Variants in NFIC observed in about 807,000 individuals in gnomAD.
NFIC encodes nuclear factor 1 C-type.
NFIC carries 12 observed loss-of-function variants against 54.4 expected under a neutral mutation model. The observed-to-expected ratio is 0.22, with a 90% confidence interval of 0.14 to 0.36. The LOEUF is 0.36. Among genes scored for constraint, NFIC ranks in the 10% least tolerant of loss-of-function variants. NFIC has a pLI of 1.00. For missense variants in NFIC, 575 were observed against 718.2 expected, an observed-to-expected ratio of 0.80 and a Z score of 2.28; for synonymous variants, 322 against 319.2, an observed-to-expected ratio of 1.01 and a Z score of -0.09.
At chr19:3,376,155 C>T (rs868512642) in intron 1 of NFIC, among the ~76,000 whole-genome samples, 1 of 152,006 alleles carries the variant, frequency 6.6e-6, no homozygotes, top group South Asian at 2.1e-4. Context: ...GCAGCAATCG[C>T]GTCCATAGTA....
At position 3,429,251 on chromosome 19, in the gene NFIC, TATACACAC is replaced by T. The variant is rs1424675164; in HGVS notation, c.634+4076_634+4083del. Among the ~76,000 whole-genome samples, 22 of 27,584 alleles carry T rather than the reference TATACACAC, an allele frequency of 8.0e-4. 4 individuals are homozygous for T. Among genetic ancestry groups the T allele is most frequent in the East Asian group, 6.8e-3 (4 of 590 alleles). 18.1% of individuals were successfully genotyped at this position (27,584 alleles called of 152,430 possible). ...TACCCCAAAAAAAAAAAAAAAAATA[TATACACAC>T]ACACACACACACACACACACACACA... On this transcript the variant is annotated intron_variant, in intron 3 of 10. Transcript: ENST00000443272.
intron 1 of NFIC, among the ~76,000 whole-genome samples, chr19:3,371,937 TTCCCTCCCTCCCTCCC>T (rs35615324): frequency 6.8e-5 from 6 of 87,730 alleles, no homozygotes; most frequent in Non-Finnish European, 1.1e-4. Flanking sequence ...CCTTCCTTCC[TTCCCTCCCTCCCTCCC>T]TCCTTCCTTC....
exon 1 of NFIC, chr19:3,359,670 T>C: frequency 7.1e-7 from 1 of 1,403,736 alleles, no homozygotes; most frequent in East Asian, 3.2e-5. Context: ...CCTCGCCTCC[T>C]CGCAGCAGCG....
Position 3,452,101 on chromosome 19 carries a change from CAAAAAAA to C in NFIC, c.1085-365_1085-359del, listed in dbSNP as rs777727186. Among the ~76,000 whole-genome samples the C allele has an allele frequency of 5.5e-5, 3 of 54,552 alleles. No homozygotes were observed. Among genetic ancestry groups the C allele is most frequent in the East Asian group, 6.4e-4 (1 of 1,568 alleles). 35.8% of individuals were successfully genotyped at this position (54,552 alleles called of 152,430 possible). A position where few individuals can be genotyped will look rare whatever the true frequency, so the allele number is the denominator to read the frequency against. ...TGCACTCCAGCCTGGGTGACTGTCT[CAAAAAAA>C]AAAAAAAAAAAAAAAGACCAGGCTC... On this transcript the variant is annotated intron_variant, in intron 7 of 10. Coordinates refer to ENST00000443272, the MANE Select transcript of NFIC (RefSeq NM_001245002.2). This position sits in a 1 kb window ranked among gnomAD's most constrained non-coding sequence, Gnocchi z 5.3.
chr19:3,458,990 C>T lies in NFIC; in HGVS notation c.1509+2355C>T, dbSNP rs953925738. ...TAAGAGCACCTGGGTTGAGGCCGGGCGCCGCCACCTCCCTGCAGACCCCGG... is the reference window on the plus strand; with the variant it reads ...TAAGAGCACCTGGGTTGAGGCCGGGTGCCGCCACCTCCCTGCAGACCCCGG... On this transcript the variant is annotated intron_variant, in intron 10 of 10. Coordinates refer to ENST00000443272, the MANE Select transcript of NFIC (RefSeq NM_001245002.2). This position sits in a 1 kb window ranked among gnomAD's most constrained non-coding sequence, Gnocchi z 4.1. 1.3e-5 allele frequency among the ~76,000 whole-genome samples: 2 copies of T among 152,030 alleles called. No homozygotes were observed. The highest frequency in any genetic ancestry group is 1.9e-4 in the East Asian group (1 of 5,172).
chr19:3,379,356 C>G (rs1389952839), intron 1 of NFIC, among the ~76,000 whole-genome samples: 2 of 151,390 alleles, frequency 1.3e-5, no homozygotes, highest in Admixed American at 6.6e-5. Flanking sequence ...CCGCGCCCAG[C>G]CGGGTTTTTT....
intron 2 of NFIC, among the ~76,000 whole-genome samples, chr19:3,403,233 A>G (rs3922397): frequency 0.58 from 88,241 of 151,848 alleles, 25,735 homozygotes; most frequent in Non-Finnish European, 0.6. Context: ...GGGAAGGAGA[A>G]AGTTTCCTTC....
In NFIC at chr19:3,381,991, T is replaced by A; in HGVS notation, c.310T>A (p.Cys104Ser). Residue 104 changes from cysteine to serine, a missense_variant, in exon 2 of 11, where the codon TGC becomes AGC. Physicochemically the swap from Cys to Ser is moderately radical, Grantham distance 112. This residue lies in a region of NFIC where 122 missense variants were observed against 158.0 expected (regional missense o/e 0.77). Coordinates refer to ENST00000443272, the MANE Select transcript of NFIC (RefSeq NM_001245002.2). The part of the protein sequence containing the change: ...LSITGKKAPG[C>S]VLSNPDQKGK... ...CATCACCGGCAAGAAGGCGCCGGGC[T>A]GCGTGCTCTCCAACCCCGACCAGAA... The A allele has an allele frequency of 6.2e-7, 1 of 1,613,504 alleles. No individual in the cohort carries two copies. Among genetic ancestry groups the A allele is most frequent in the Non-Finnish European group, 8.5e-7 (1 of 1,179,924 alleles).
chr19:3,448,039 G>A (rs754327257), intron 6 of NFIC, among the ~76,000 whole-genome samples: 69 of 152,252 alleles, frequency 4.5e-4, no homozygotes, highest in Non-Finnish European at 8.5e-4. Flanking sequence ...CAAGTAGCTG[G>A]GATTACAGGC....
chr19:3,422,780 T>C (rs900842550), intron 2 of NFIC, among the ~76,000 whole-genome samples: 3 of 151,838 alleles, frequency 2.0e-5, no homozygotes, highest in Non-Finnish European at 2.9e-5. Context: ...GAGACAGTAC[T>C]TGGCTCAGGT....
intron 2 of NFIC, among the ~76,000 whole-genome samples, chr19:3,392,092 G>A (rs1380930284): frequency 4.9e-5 from 5 of 101,396 alleles, no homozygotes; most frequent in Admixed American, 2.2e-4. Flanking sequence ...TTTTTTTTGA[G>A]ATGGAGTCTT....
Position 3,466,371 on chromosome 19 carries a change from A to T in NFIC, c.*3602A>T, listed in dbSNP as rs891697809. 1 of 152,218 alleles carries T rather than the reference A, an allele frequency of 6.6e-6. No individual in the cohort carries two copies. The highest frequency in any genetic ancestry group is 2.4e-5 in the African/African-American group (1 of 41,416). The allele number at this position is 152,218 out of a possible 1,614,324, so 9.4% of individuals were successfully genotyped here. Reference sequence around the variant, plus strand: ...TTCTCCAACCTTAGGCCATTCCTGCAGCCCTCACCACCTCCAGCCCCTCCA... The same window carrying T: ...TTCTCCAACCTTAGGCCATTCCTGCTGCCCTCACCACCTCCAGCCCCTCCA... On this transcript the variant is annotated 3_prime_UTR_variant, in exon 11 of 11. Coordinates refer to ENST00000443272, the MANE Select transcript of NFIC (RefSeq NM_001245002.2). The surrounding 1 kb of genome is among the most constrained non-coding windows in gnomAD (Gnocchi z 4.8).
At chr19:3,367,005 C>CGG (rs2080902554) in intron 1 of NFIC, among the ~76,000 whole-genome samples, 1 of 151,400 alleles carries the variant, frequency 6.6e-6, no homozygotes, top group Non-Finnish European at 1.5e-5. Context: ...CCCCGACACT[C>CGG]GGAAAGGTCG....
Position 3,384,165 on chromosome 19 carries a change from C to T in NFIC, c.562+1922C>T, listed in dbSNP as rs1407216683. ...GACCTCCCAGGCTCAAGCAATCCTCCTGCCTCACCCTCCCAAGTAGCTGGG... is the reference window on the plus strand; with the variant it reads ...GACCTCCCAGGCTCAAGCAATCCTCTTGCCTCACCCTCCCAAGTAGCTGGG... On this transcript the variant is annotated intron_variant, in intron 2 of 10. Transcript: ENST00000443272. Among the ~76,000 whole-genome samples the T allele has an allele frequency of 2.6e-5, 4 of 151,290 alleles. No individual in the cohort carries two copies. The East Asian group carries it at 7.7e-4, about 29-fold the overall frequency.
At chr19:3,448,537 G>T (rs2082406576) in intron 6 of NFIC, among the ~76,000 whole-genome samples, 1 of 152,178 alleles carries the variant, frequency 6.6e-6, no homozygotes, top group Non-Finnish European at 1.5e-5. Context: ...CCTCATTTCA[G>T]CCCCAGGGAG....
chr19:3,402,390 T>C (rs1278159145), intron 2 of NFIC, among the ~76,000 whole-genome samples: 2 of 152,198 alleles, frequency 1.3e-5, no homozygotes, highest in South Asian at 2.1e-4. Flanking sequence ...CTCCCCCATG[T>C]ACCATGTCTC....
chr19:3,400,796 T>G (rs1039018231), intron 2 of NFIC, among the ~76,000 whole-genome samples: 3 of 152,156 alleles, frequency 2.0e-5, no homozygotes, highest in African/African-American at 7.2e-5. Context: ...GAGCCGAGAT[T>G]GTACCACTAC....
rs576052228 is a variant in NFIC at position 3,377,497 on chromosome 19, G to A, written c.31-4215G>A. On this transcript the variant is annotated intron_variant, in intron 1 of 10. Coordinates refer to ENST00000443272, the MANE Select transcript of NFIC (RefSeq NM_001245002.2). ...TGTCCGAAATGCCCAGCCCAGCCTG[G>A]TCAAGGCAGGGAGATGGAAAGGCAG... 2.6e-5 allele frequency among the ~76,000 whole-genome samples: 4 copies of A among 152,256 alleles called. No individual in the cohort carries two copies. In the East Asian group the frequency reaches 7.7e-4, roughly 29 times the overall value.
rs1407998049 is a variant in NFIC, at chr19:3,370,246, C to T, written c.30+3580C>T. Among the ~76,000 whole-genome samples, 10 of 152,108 alleles carry T rather than the reference C, an allele frequency of 6.6e-5. No individual in the cohort carries two copies. Among genetic ancestry groups the T allele is most frequent in the East Asian group, 1.9e-4 (1 of 5,186 alleles). On this transcript the variant is annotated intron_variant, in intron 1 of 10. Transcript: ENST00000443272. This position sits in a 1 kb window ranked among gnomAD's most constrained non-coding sequence, Gnocchi z 5.2. ...GGGGTTCAGGCCATTTTCCATCTGGCGGCTTGGGCAGGTGGGCGCTCTCTC... is the reference window on the plus strand; with the variant it reads ...GGGGTTCAGGCCATTTTCCATCTGGTGGCTTGGGCAGGTGGGCGCTCTCTC...
Sources: gnomAD v4.1 joint callset for allele counts (sites outside exome capture counted in the v4.1 genomes callset) on GRCh38, gnomAD v4.1.1 for gene constraint, gnomAD v4.1.1 regional missense constraint, Gnocchi (gnomAD v3.1) non-coding constraint, MANE v1.5 for transcripts, NCBI Gene and HGNC (gene_info 2026-07-23, HGNC 2026-07-21) for gene names.